Variants in HPS5 observed in about 807,000 individuals in gnomAD.
HPS5 encodes the protein HPS5 biogenesis of lysosomal organelles complex 2 subunit 2, also known as BLOC-2 complex member HPS5.
Under a neutral mutation model 128.0 loss-of-function variants are expected in HPS5, and 83 were observed. That is an observed-to-expected ratio of 0.65 (90% CI 0.54 to 0.78). The LOEUF (loss-of-function observed/expected upper bound fraction) is 0.78. Among genes scored for constraint, HPS5 ranks in the 30% least tolerant of loss-of-function variants. HPS5 has a pLI of 0.00. For missense variants in HPS5, 1,281 were observed against 1,326.2 expected (o/e 0.97, Z 0.53); for synonymous variants, 475 against 470.2 (o/e 1.01, Z -0.13).
At position 18,306,140 on chromosome 11, in the gene HPS5, A is replaced by C; in HGVS notation, c.819T>G (p.Thr273=). 1 of 1,603,652 alleles carries C rather than the reference A, an allele frequency of 6.2e-7. No homozygotes were observed. Among genetic ancestry groups the C allele is most frequent in the East Asian group, 2.2e-5 (1 of 44,816 alleles). Residue 273 remains threonine (T), a synonymous_variant, in exon 7 of 23, where the codon ACT becomes ACG. Coordinates refer to ENST00000349215, the MANE Select transcript of HPS5 (RefSeq NM_181507.2). ...LLSLPPLPVI[T]LRSEPQYDHT... ...CCAGCCATACAAATCGTTACCTGAG[A>C]GTAATCACAGGGAGAGGTGGCAACG...
At chr11:18,282,518 G>A (rs955379690) in intron 21 of HPS5, among the ~76,000 whole-genome samples, 2 of 150,866 alleles carry the variant, frequency 1.3e-5, no homozygotes, top group Non-Finnish European at 3.0e-5. Flanking sequence ...GCCTCCCACC[G>A]CAGCCTCCCA....
intron 22 of HPS5, among the ~76,000 whole-genome samples, chr11:18,281,387 C>T (rs1270102577): frequency 6.6e-6 from 1 of 151,812 alleles, no homozygotes; most frequent in Non-Finnish European, 1.5e-5. Context: ...AGCCACCGTA[C>T]CCAGCCAGGT....
chr11:18,305,334 C>T (rs1329571376), intron 8 of HPS5, 88 bp downstream of exon 8: 14 of 858,122 alleles, frequency 1.6e-5, no homozygotes, highest in Non-Finnish European at 2.5e-5. Context: ...GCAAAAATAA[C>T]CTTAAAAAAC....
In HPS5 at chr11:18,312,003, G is replaced by A. The variant is rs765064234; in HGVS notation, c.130C>T (p.Arg44Trp). The change falls in exon 3 of 23, where the codon CGG becomes TGG. Residue 44 changes from arginine to tryptophan, a missense_variant. Transcript: ENST00000349215. ...RLKCTSIAVS[R>W]KWLALGSSGG... ...GAACTGCCCAAAGCCAACCATTTCC[G>A]AGACACAGCTATGCTCGTGCACTAA... 1.5e-5 allele frequency: 25 copies of A among 1,613,572 alleles called. No individual in the cohort carries two copies. Among genetic ancestry groups the A allele is most frequent in the Middle Eastern group, 1.6e-4 (1 of 6,084 alleles).
intron 2 of HPS5, 145 bp from the exon 3 acceptor site, chr11:18,312,169 T>C (rs1261335302): frequency 1.3e-5 from 9 of 675,448 alleles, no homozygotes; most frequent in African/African-American, 1.3e-4. Context: ...ATGACACTTA[T>C]TCTCTAGTTC....
intron 16 of HPS5, among the ~76,000 whole-genome samples, chr11:18,289,579 G>GA (rs199957518): frequency 0.15 from 22,370 of 147,138 alleles, 1,805 homozygotes; most frequent in African/African-American, 0.23. Context: ...CCTCAACTCA[G>GA]AAAAAAAAAA....
At chr11:18,285,271 C>A in intron 20 of HPS5, 75 bp downstream of exon 20, 1 of 884,854 alleles carries the variant, frequency 1.1e-6, no homozygotes, top group South Asian at 1.4e-5. Flanking sequence ...TGTATTAATT[C>A]AGACCCTTAA....
At chr11:18,312,619 T>C (rs1388638622) in intron 2 of HPS5, among the ~76,000 whole-genome samples, 4 of 152,226 alleles carry the variant, frequency 2.6e-5, no homozygotes, top group Admixed American at 2.0e-4. Context: ...ACCTTCCCAG[T>C]TCCCTAGTTG....
Position 18,283,852 on chromosome 11 carries a change from C to T in HPS5, c.3001G>A (p.Glu1001Lys). Residue 1001 changes from glutamate (E) to lysine (K), a missense_variant, in exon 21 of 23, where the codon GAG becomes AAG. Coordinates refer to ENST00000349215, the MANE Select transcript of HPS5 (RefSeq NM_181507.2). ...AGATACACAATATTGGTGAAGGCCT[C>T]TCTTCTTCTCTCCAGCTCCAAACAG... ...ILCLELERRR[E>K]AFTNIVYLND... 1 of 1,613,494 alleles carries T rather than the reference C, an allele frequency of 6.2e-7. No homozygotes were observed. The highest frequency in any genetic ancestry group is 8.5e-7 in the Non-Finnish European group (1 of 1,179,664).
Position 18,299,007 on chromosome 11 carries a change from A to C in HPS5, c.986-37T>G, listed in dbSNP as rs532531209. On this transcript the variant is annotated intron_variant, in intron 9 of 22. Coordinates refer to ENST00000349215, the MANE Select transcript of HPS5 (RefSeq NM_181507.2). Reference sequence around the variant, plus strand: ...ACAGGTGTGAACATACAAAATGTTAACCAAATACCCCTTACAATTTTAAAA... The same window carrying C: ...ACAGGTGTGAACATACAAAATGTTACCCAAATACCCCTTACAATTTTAAAA... 223 of 1,578,500 alleles carry C rather than the reference A, an allele frequency of 1.4e-4. No individual in the cohort carries two copies. In the South Asian group the frequency reaches 2.4e-3, roughly 17 times the overall value.
At chr11:18,297,780 T>C (rs1455643550) in intron 10 of HPS5, 63 bp from the exon 11 acceptor site, 7 of 1,474,202 alleles carry the variant, frequency 4.7e-6, no homozygotes, top group African/African-American at 1.4e-5. Flanking sequence ...AAATGGCCAA[T>C]ATATTGAAAG....
intron 18 of HPS5, chr11:18,286,930 AAGAG>A (rs1036666705): frequency 6.4e-6 from 4 of 623,436 alleles, no homozygotes; most frequent in Admixed American, 3.0e-5. Context: ...AAGGGAGAGA[AAGAG>A]AGAGAGAAAG....
rs1861381736 is a variant in HPS5, at chr11:18,298,850, A to T, written c.1106T>A (p.Leu369Gln). Residue 369 changes from leucine to glutamine, a missense_variant, in exon 10 of 23, where the codon CTA (leucine) becomes CAA (glutamine). Coordinates refer to ENST00000349215, the MANE Select transcript of HPS5 (RefSeq NM_181507.2). ...RCVERLLRRG[L>Q]WNLAARTCCL... ...GCATGTACGAGCAGCCAAGTTCCAT[A>T]GGCCTCTTCTTAGCAGGCGTTCCAC... 1 of 1,614,106 alleles carries T rather than the reference A, an allele frequency of 6.2e-7. No individual in the cohort carries two copies. The highest frequency in any genetic ancestry group is 1.3e-5 in the African/African-American group (1 of 74,942).
chr11:18,312,505 C>T (rs1426237885), intron 2 of HPS5, among the ~76,000 whole-genome samples: 1 of 152,192 alleles, frequency 6.6e-6, no homozygotes, highest in African/African-American at 2.4e-5. Flanking sequence ...ATGCCGTGCC[C>T]AATACCCCGT....
intron 10 of HPS5, among the ~76,000 whole-genome samples, chr11:18,298,423 A>G (rs961784899): frequency 2.6e-5 from 4 of 152,018 alleles, no homozygotes; most frequent in Non-Finnish European, 5.9e-5. Context: ...TGAACCCAGG[A>G]GGCAGAGGTT....
intron 4 of HPS5, 150 bp from the exon 5 acceptor site, chr11:18,311,083 T>C: frequency 1.4e-6 from 1 of 699,256 alleles, no homozygotes; most frequent in African/African-American, 1.8e-5. Context: ...ATTAATTTCC[T>C]TGTTTTAGTC....
intron 20 of HPS5, 45 bp from the exon 21 acceptor site, chr11:18,283,946 T>A: frequency 1.3e-5 from 17 of 1,297,932 alleles, no homozygotes; most frequent in Non-Finnish European, 1.9e-5. Context: ...AGGCCATGAA[T>A]TTATCTGGAG....
intron 5 of HPS5, among the ~76,000 whole-genome samples, chr11:18,309,860 G>A (rs1280694853): frequency 6.6e-6 from 1 of 152,130 alleles, no homozygotes; most frequent in Non-Finnish European, 1.5e-5. Context: ...AAATTAGCCA[G>A]GCGTGGTGAT....
At chr11:18,308,821 A>G in intron 6 of HPS5, 125 bp downstream of exon 6, 4 of 861,856 alleles carry the variant, frequency 4.6e-6, no homozygotes, top group Middle Eastern at 2.2e-4. Context: ...ATCTCAAAAA[A>G]AGAAAAAAAA....
Sources: allele counts gnomAD v4.1 joint callset (sites outside exome capture counted in the v4.1 genomes callset), GRCh38; gene constraint gnomAD v4.1.1; transcripts MANE v1.5; gene names NCBI Gene and HGNC (gene_info 2026-07-23, HGNC 2026-07-21).